NOTUM: variants seen among roughly 807,000 people sequenced by gnomAD.
The protein encoded by NOTUM is notum, palmitoleoyl-protein carboxylesterase, also known as palmitoleoyl-protein carboxylesterase NOTUM.
NOTUM carries 36 observed loss-of-function variants against 65.5 expected under a neutral mutation model. That is an observed-to-expected ratio of 0.55 (90% confidence interval 0.42 to 0.73). NOTUM has a LOEUF of 0.73. Among genes scored for constraint, NOTUM ranks in the 30% least tolerant of loss-of-function variants. The pLI is 0.00. For missense variants in NOTUM, 659 were observed against 694.2 expected (o/e 0.95, Z 0.57); for synonymous variants, 356 against 297.9 (o/e 1.20, Z -2.01).
At chr17:81,958,210 G>C in intron 5 of NOTUM, 125 bp downstream of exon 5, 1 of 706,450 alleles carries the variant, frequency 1.4e-6, no homozygotes, top group Non-Finnish European at 2.5e-6. Context: ...ACAAGGCTGA[G>C]AGTCAGCTTT....
At chr17:81,959,283 G>A in intron 3 of NOTUM, 188 bp downstream of exon 3, 2 of 614,982 alleles carry the variant, frequency 3.3e-6, no homozygotes, top group South Asian at 3.9e-5. Context: ...CGCTGGGTAA[G>A]CGCCTGAATG....
chr17:81,957,861 C>A lies in NOTUM; in HGVS notation c.640G>T (p.Glu214Ter). ...CCGCTCAGCCCTCTGCCCAGAAGCT[C>A]CCGCACCACCTCCTGGATGATGAGG... is the stretch of plus-strand genomic sequence containing the variant. Reference protein sequence around the residue: ...GALIIQEVVRELLGRGLSGAK... With the variant: ...GALIIQEVVR Residue 214 changes from glutamate (E) to a stop codon, truncating the protein, a stop_gained, in exon 6 of 11, where the codon GAG (glutamate) becomes TAG (stop). Transcript: ENST00000409678. LOFTEE classifies it high-confidence loss of function. 6.2e-7 allele frequency: 1 copy of A among 1,609,582 alleles called. No individual in the cohort carries two copies.
In NOTUM at chr17:81,956,892, C is replaced by T. The variant is rs780508873; in HGVS notation, c.878G>A (p.Arg293His). 6.8e-5 allele frequency: 109 copies of T among 1,609,638 alleles called. No homozygotes were observed. The highest frequency in any genetic ancestry group is 5.9e-4 in the South Asian group (54 of 91,000). The part of the protein sequence containing the change: ...ITCAPTEAIR[R>H]GIRYWNGVVP... Reference sequence around the variant, plus strand: ...CTCCCCGCTGCGGCACCTGATGCCACGGCGGATGGCCTCCGTGGGCGCGCA... The same window carrying T: ...CTCCCCGCTGCGGCACCTGATGCCATGGCGGATGGCCTCCGTGGGCGCGCA... Residue 293 changes from arginine to histidine, a missense_variant, in exon 7 of 11, where the codon CGT becomes CAT. Coordinates refer to ENST00000409678, the MANE Select transcript of NOTUM (RefSeq NM_178493.6).
chr17:81,957,898 G>A lies in NOTUM; in HGVS notation c.603C>T (p.Ala201=). Residue 201 remains alanine, a synonymous_variant, in exon 6 of 11, where the codon GCC becomes GCT. Transcript: ENST00000409678. Reference sequence around the variant, plus strand: ...CCTGGATGATGAGGGCGCCCATGAAGGCGTACTCGTCTGCAAGAGGGAGGG... The same window carrying A: ...CCTGGATGATGAGGGCGCCCATGAAAGCGTACTCGTCTGCAAGAGGGAGGG... ...ASSKSEKNEY[A]FMGALIIQEV... The A allele has an allele frequency of 2.5e-6, 4 of 1,601,634 alleles. No individual in the cohort carries two copies. The highest frequency in any genetic ancestry group is 3.4e-6 in the Non-Finnish European group (4 of 1,174,570).
In NOTUM at chr17:81,953,075, T is replaced by G. The variant is rs139797185; in HGVS notation, c.1377A>C (p.Gln459His). The change falls in exon 11 of 11, where the codon CAA becomes CAC. Residue 459 changes from glutamine (Q) to histidine (H), a missense_variant. By Grantham distance (24) the Gln-to-His change is conservative. Transcript: ENST00000409678. ...CPTVRDQFTG[Q>H]EMNVAQFLMH... ...TGAGGAACTGGGCCACGTTCATCTC[T>G]TGCCCCGTGAACTGGTCTCGGACGG... 1 of 1,613,758 alleles carries G rather than the reference T, an allele frequency of 6.2e-7. No individual in the cohort carries two copies. The highest frequency in any genetic ancestry group is 8.5e-7 in the Non-Finnish European group (1 of 1,179,830).
intron 10 of NOTUM, among the ~76,000 whole-genome samples, 174 bp from the exon 11 acceptor site, chr17:81,953,441 G>A (rs1463499801): frequency 1.3e-5 from 2 of 151,400 alleles, no homozygotes; most frequent in Admixed American, 6.6e-5. Context: ...GATTACAGGC[G>A]TGTGCCACCG....
At position 81,960,578 on chromosome 17, in the gene NOTUM, G is replaced by A. The variant is rs369473639; in HGVS notation, c.323+9C>T. 9 of 1,482,754 alleles carry A rather than the reference G, an allele frequency of 6.1e-6. No individual in the cohort carries two copies. Among genetic ancestry groups the A allele is most frequent in the Non-Finnish European group, 8.2e-6 (9 of 1,102,944 alleles). The allele number at this position is 1,482,754 out of a possible 1,614,324, so 91.8% of individuals were successfully genotyped here. On this transcript the variant is annotated intron_variant, in intron 1 of 10. Coordinates refer to ENST00000409678, the MANE Select transcript of NOTUM (RefSeq NM_178493.6). This position sits in a 1 kb window ranked among gnomAD's most constrained non-coding sequence, Gnocchi z 6.4. ...GGCGGGGCGGGGAGGTGCAGGGCGC[G>A]GGCCTTACCCGGCGGGGCTGCCGTC...
intron 5 of NOTUM, 76 bp downstream of exon 5, chr17:81,958,259 G>A (rs2041448292): frequency 1.0e-6 from 1 of 976,748 alleles, no homozygotes; most frequent in South Asian, 1.3e-5. Context: ...TCCCTGCCCT[G>A]CCGTCCTGCC....
chr17:81,957,726 C>T (rs999545724), intron 6 of NOTUM, 80 bp downstream of exon 6: 8 of 1,008,562 alleles, frequency 7.9e-6, no homozygotes, highest in Middle Eastern at 3.0e-4. Context: ...GCCTCTCATA[C>T]AACCCCACCC....
intron 10 of NOTUM, 34 bp from the exon 11 acceptor site, chr17:81,953,301 T>C: frequency 6.8e-7 from 1 of 1,470,676 alleles, no homozygotes; most frequent in Non-Finnish European, 9.4e-7. Context: ...GGGTCACATG[T>C]GCGGAGTGGC....
At chr17:81,959,397 G>T (rs1276649817) in intron 3 of NOTUM, 74 bp downstream of exon 3, 1 of 1,176,024 alleles carries the variant, frequency 8.5e-7, no homozygotes, top group African/African-American at 1.5e-5. Flanking sequence ...GGGCCTGGCT[G>T]GGGCTCCAGG....
At chr17:81,954,235 G>T (rs752114386) in intron 10 of NOTUM, 21 bp downstream of exon 10, 1 of 1,589,616 alleles carries the variant, frequency 6.3e-7, no homozygotes, top group African/African-American at 1.3e-5. Context: ...GACGCAAGCT[G>T]CCCGGAGCAG....
Position 81,959,556 on chromosome 17 carries a change from G to T in NOTUM, c.387C>A (p.Tyr129Ter). The T allele has an allele frequency of 1.3e-6, 2 of 1,548,994 alleles. No homozygotes were observed. Among genetic ancestry groups the T allele is most frequent in the South Asian group, 2.4e-5 (2 of 84,016 alleles). Residue 129 changes from tyrosine (Y) to a stop codon, truncating the protein, a stop_gained, in exon 3 of 11, where the codon TAC becomes TAA. Coordinates refer to ENST00000409678, the MANE Select transcript of NOTUM (RefSeq NM_178493.6). LOFTEE classifies it high-confidence loss of function. ...RWLLFLEGGW[Y>*]CFNRENCDSR... Reference sequence around the variant, plus strand: ...AGTCGCAGTTCTCGCGGTTGAAGCAGTACCAGCCGCCTGCGGACACGACCG... The same window carrying T: ...AGTCGCAGTTCTCGCGGTTGAAGCATTACCAGCCGCCTGCGGACACGACCG...
In NOTUM at chr17:81,956,671, T is replaced by C. The variant is rs1598367970; in HGVS notation, c.967A>G (p.Lys323Glu). 6.2e-7 allele frequency: 1 copy of C among 1,612,594 alleles called. No individual in the cohort carries two copies. The highest frequency in any genetic ancestry group is 1.7e-4 in the Middle Eastern group (1 of 6,054). The change falls in exon 8 of 11, where the codon AAG becomes GAG. Residue 323 changes from lysine to glutamate, a missense_variant. Transcript: ENST00000409678. ...GEEWNCFFGY[K>E]VYPTLRCPVF... ...TCACAGCGCAGGGTCGGGTAGACCT[T>C]GTAGCCAAAGAAGCAGTTCCACTCC...
In NOTUM at chr17:81,952,865, GAA is replaced by G. The variant is rs1242692825; in HGVS notation, c.*94_*95del. The G allele has an allele frequency of 8.8e-7, 1 of 1,142,734 alleles. No individual in the cohort carries two copies. Among genetic ancestry groups the G allele is most frequent in the African/African-American group, 1.5e-5 (1 of 66,146 alleles). The allele number at this position is 1,142,734 out of a possible 1,614,324, so 70.8% of individuals were successfully genotyped here. A position where few individuals can be genotyped will look rare whatever the true frequency, so the allele number is the denominator to read the frequency against. ...GGGGGGACGGCTGGGGCCCTGTCCC[GAA>G]GAGACGGGAGGGCCTGCTGGTGGGG... On this transcript the variant is annotated 3_prime_UTR_variant, in exon 11 of 11. Coordinates refer to ENST00000409678, the MANE Select transcript of NOTUM (RefSeq NM_178493.6).
intron 9 of NOTUM, 87 bp from the exon 10 acceptor site, chr17:81,954,390 G>A (rs2041412584): frequency 1.1e-6 from 1 of 896,578 alleles, no homozygotes; most frequent in Non-Finnish European, 1.7e-6. Flanking sequence ...TCCCCCGCCT[G>A]GCCATCACCC....
At position 81,960,994 on chromosome 17, in the gene NOTUM, G is replaced by C. The variant is rs1476205550; in HGVS notation, c.-85C>G. On this transcript the variant is annotated 5_prime_UTR_variant, in exon 1 of 11. Transcript: ENST00000409678. The surrounding 1 kb of genome is among the most constrained non-coding windows in gnomAD (Gnocchi z 6.4). ...TGCCGGGCCGGGGGTGCCGGGCCGG[G>C]GGTGTCGGGGGCACTGGCCGCTCCT... is the stretch of plus-strand genomic sequence containing the variant. The C allele has an allele frequency of 1.5e-6, 1 of 670,370 alleles. No individual in the cohort carries two copies. The highest frequency in any genetic ancestry group is 2.0e-6 in the Non-Finnish European group (1 of 506,958). 41.5% of individuals were successfully genotyped at this position (670,370 alleles called of 1,614,324 possible).
Position 81,953,184 on chromosome 17 carries a change from T to C in NOTUM, c.1268A>G (p.Lys423Arg). The C allele has an allele frequency of 6.2e-7, 1 of 1,613,082 alleles. No individual in the cohort carries two copies. Among genetic ancestry groups the C allele is most frequent in the Non-Finnish European group, 8.5e-7 (1 of 1,179,662 alleles). ...CWDRSLHDSH[K>R]ASKTPLKGCP... The stretch of plus-strand genomic sequence containing the variant: ...GCCCTTGAGGGGGGTCTTGCTGGCC[T>C]TGTGGCTGTCATGGAGGCTCCTGTC... Residue 423 changes from lysine to arginine, a missense_variant, in exon 11 of 11, where the codon AAG (lysine) becomes AGG (arginine). Transcript: ENST00000409678.
chr17:81,957,100 C>T, intron 6 of NOTUM, 26 bp from the exon 7 acceptor site: 1 of 1,576,924 alleles, frequency 6.3e-7, no homozygotes, highest in Non-Finnish European at 8.6e-7. Flanking sequence ...GACGTGAGGC[C>T]AGGTGGCTGG....
Sources: gnomAD v4.1 joint callset for allele counts (sites outside exome capture counted in the v4.1 genomes callset) on GRCh38, gnomAD v4.1.1 for gene constraint, Gnocchi (gnomAD v3.1) non-coding constraint, MANE v1.5 for transcripts, NCBI Gene and HGNC (gene_info 2026-07-23, HGNC 2026-07-21) for gene names.